Variants in DNAH9 observed in about 807,000 individuals in gnomAD.
The protein encoded by DNAH9 is DNAH9 variant protein.
In DNAH9, 345 loss-of-function variants were observed where a neutral mutation model predicts 471.6. The observed-to-expected ratio is 0.73, with a 90% CI of 0.67 to 0.80. The LOEUF (loss-of-function observed/expected upper bound fraction) is 0.80. Ranked by LOEUF, DNAH9 falls within the 30% of genes least tolerant of loss-of-function variation. The pLI, the probability that DNAH9 is intolerant of heterozygous loss-of-function variation, is 0.00. For synonymous variants in DNAH9, 2,093 were observed against 2,123.6 expected (o/e 0.99, Z 0.40); for missense variants, 5,407 against 5,609.2 (o/e 0.96, Z 1.15).
chr17:11,868,388 G>A (rs1443797454), intron 50 of DNAH9, among the ~76,000 whole-genome samples: 2 of 152,138 alleles, frequency 1.3e-5, no homozygotes, highest in Non-Finnish European at 2.9e-5. Flanking sequence ...TCTGCTGTGT[G>A]TCCATGTATC....
At position 11,762,770 on chromosome 17, in the gene DNAH9, G is replaced by GTTTTTT. The variant is rs563544881; in HGVS notation, c.6996-648_6996-643dup. ...CCTCTTTAGGTGCGTTTTTTTTTTT[G>GTTTTTT]TTTTTTTTTTTTTTTTTTTTTTTTT... On this transcript the variant is annotated intron_variant, in intron 35 of 68. Transcript: ENST00000262442. Among the ~76,000 whole-genome samples the GTTTTTT allele has an allele frequency of 1.1e-3, 96 of 90,780 alleles. 1 individual carries two copies. The highest frequency in any genetic ancestry group is 1.7e-3 in the East Asian group (5 of 3,028). The allele number at this position is 90,780 out of a possible 152,430, so 59.6% of individuals were successfully genotyped here. A position where few individuals can be genotyped will look rare whatever the true frequency, so the allele number is the denominator to read the frequency against.
intron 40 of DNAH9, among the ~76,000 whole-genome samples, chr17:11,784,045 T>C (rs1968766154): frequency 6.6e-6 from 1 of 152,110 alleles, no homozygotes; most frequent in Non-Finnish European, 1.5e-5. Flanking sequence ...AATTCAGATT[T>C]GGACTCAGAT....
chr17:11,738,561 A>G (rs1162778406), intron 28 of DNAH9, among the ~76,000 whole-genome samples: 2 of 152,108 alleles, frequency 1.3e-5, no homozygotes, highest in Admixed American at 6.5e-5. Flanking sequence ...TTGTATTTTT[A>G]GTAGAGACGG....
intron 50 of DNAH9, among the ~76,000 whole-genome samples, chr17:11,858,646 A>G (rs1597743144): frequency 6.6e-6 from 1 of 152,200 alleles, no homozygotes; most frequent in East Asian, 1.9e-4. Flanking sequence ...TGTTATGCTG[A>G]TATCTATTTT....
intron 27 of DNAH9, among the ~76,000 whole-genome samples, chr17:11,721,159 C>G (rs1425239775): frequency 6.6e-6 from 1 of 152,132 alleles, no homozygotes. Context: ...CTAGGGGTCA[C>G]TATGGCCATT....
chr17:11,954,163 T>TATA (rs1386192175), intron 67 of DNAH9, among the ~76,000 whole-genome samples: 1 of 143,044 alleles, frequency 7.0e-6, no homozygotes, highest in Non-Finnish European at 1.6e-5. Context: ...AACAAATTAC[T>TATA]AGGTCCTGTA....
chr17:11,696,012 A>G (rs1268574090), intron 22 of DNAH9, among the ~76,000 whole-genome samples: 2 of 152,240 alleles, frequency 1.3e-5, no homozygotes, highest in South Asian at 2.1e-4. Flanking sequence ...AAGTCAAACT[A>G]TGCAAAAAGA....
At chr17:11,731,045 TGATG>T (rs1409977229) in intron 28 of DNAH9, among the ~76,000 whole-genome samples, 80 of 116,742 alleles carry the variant, frequency 6.9e-4, no homozygotes, top group African/African-American at 3.0e-3. Context: ...GTGTCAGTGA[TGATG>T]GTGATGGTGA....
intron 36 of DNAH9, 102 bp downstream of exon 36, chr17:11,763,716 T>C: frequency 8.4e-7 from 1 of 1,193,400 alleles, no homozygotes; most frequent in Non-Finnish European, 1.2e-6. Flanking sequence ...AATGTCAGAA[T>C]GGACTTGAAA....
chr17:11,677,846 G>A (rs2074072126), intron 17 of DNAH9, among the ~76,000 whole-genome samples: 1 of 151,698 alleles, frequency 6.6e-6, no homozygotes, highest in South Asian at 2.1e-4. Flanking sequence ...ATTTTAATAA[G>A]CATCCTTAAA....
At chr17:11,601,199 A>G (rs556957870) in intron 1 of DNAH9, among the ~76,000 whole-genome samples, 3 of 152,322 alleles carry the variant, frequency 2.0e-5, no homozygotes, top group Admixed American at 6.5e-5. Flanking sequence ...AAATTTATCC[A>G]TCATAGACAC....
intron 6 of DNAH9, among the ~76,000 whole-genome samples, chr17:11,620,527 AAAG>A: frequency 6.6e-6 from 1 of 151,876 alleles, no homozygotes; most frequent in Non-Finnish European, 1.5e-5. Context: ...AAAAAAAAAA[AAAG>A]AAGTTTTAAT....
At chr17:11,807,938 C>T (rs1293975284) in intron 44 of DNAH9, 44 bp downstream of exon 44, 1 of 1,558,100 alleles carries the variant, frequency 6.4e-7, no homozygotes, top group Non-Finnish European at 8.7e-7. Context: ...AGCTTCCCTC[C>T]AACCAGCCAC....
chr17:11,693,237 C>CTTTTT (rs776422086), intron 20 of DNAH9, among the ~76,000 whole-genome samples: 12 of 77,432 alleles, frequency 1.5e-4, no homozygotes, highest in Admixed American at 3.7e-4. Context: ...TTAAAATGCC[C>CTTTTT]TTTTTTTTTT....
intron 51 of DNAH9, among the ~76,000 whole-genome samples, chr17:11,871,330 TG>T (rs113392495): frequency 2.0e-5 from 3 of 152,346 alleles, no homozygotes; most frequent in African/African-American, 7.2e-5. Flanking sequence ...TTTGATTAAG[TG>T]GTATCAGTCT....
intron 26 of DNAH9, among the ~76,000 whole-genome samples, chr17:11,706,496 T>TA (rs1221757894): frequency 3.9e-5 from 6 of 151,956 alleles, no homozygotes; most frequent in African/African-American, 1.4e-4. Flanking sequence ...GGCCATAGTA[T>TA]AAAATAAGGT....
intron 28 of DNAH9, 97 bp from the exon 29 acceptor site, chr17:11,738,783 C>A: frequency 1.9e-6 from 2 of 1,070,326 alleles, no homozygotes; most frequent in Non-Finnish European, 2.8e-6. Context: ...CAGGACAGTT[C>A]TTCGTGCTGT....
chr17:11,724,431 T>C (rs8080629), intron 27 of DNAH9, among the ~76,000 whole-genome samples: 43,346 of 152,086 alleles, frequency 0.29, 6,282 homozygotes, highest in African/African-American at 0.32. Flanking sequence ...CATGTGATAT[T>C]TGTCTTTCTG....
At chr17:11,930,776 A>AAAAAAAAAAAG (rs1974483293) in intron 63 of DNAH9, among the ~76,000 whole-genome samples, 1 of 151,476 alleles carries the variant, frequency 6.6e-6, no homozygotes, top group Non-Finnish European at 1.5e-5. Context: ...AAAAAAAAAA[A>AAAAAAAAAAAG]AAAAAATTGC....
Sources: allele counts gnomAD v4.1 joint callset (sites outside exome capture counted in the v4.1 genomes callset), GRCh38; gene constraint gnomAD v4.1.1; transcripts MANE v1.5; gene names NCBI Gene and HGNC (gene_info 2026-07-23, HGNC 2026-07-21).